Variants in ERMARD observed in about 807,000 individuals in gnomAD.
The protein encoded by ERMARD is ER membrane associated RNA degradation.
A neutral mutation model predicts 83.9 loss-of-function variants in ERMARD; 71 were observed. That is an observed-to-expected ratio of 0.85 (90% CI 0.70 to 1.03). The LOEUF is 1.03. Among genes scored for constraint, ERMARD ranks in the 50% least tolerant of loss-of-function variants. The probability of loss-of-function intolerance (pLI) is 0.00; values close to 1 mark genes in which losing one functional copy is unlikely to be tolerated. For missense variants in ERMARD, 838 were observed against 810.9 expected, an observed-to-expected ratio of 1.03 and a Z score of -0.41; for synonymous variants, 284 against 298.6, an observed-to-expected ratio of 0.95 and a Z score of 0.50.
rs1792680279 is a variant in ERMARD, at chr6:169,769,808, T to A, written c.1233+95T>A. The A allele has an allele frequency of 2.6e-6, 3 of 1,174,340 alleles. No individual in the cohort carries two copies. In the South Asian group the frequency reaches 5.5e-5, roughly 21 times the overall value. 72.7% of individuals were successfully genotyped at this position (1,174,340 alleles called of 1,614,324 possible). A position where few individuals can be genotyped will look rare whatever the true frequency, so the allele number is the denominator to read the frequency against. On this transcript the variant is annotated intron_variant, in intron 12 of 17. Transcript: ENST00000366773. The stretch of plus-strand genomic sequence containing the variant: ...AAATGTAATTAACTGTTAATCATCT[T>A]TTAATATATCTGAGTTACAGTATCC...
chr6:169,755,464 A>C (rs1418633388), intron 3 of ERMARD, 42 bp downstream of exon 3: 1 of 1,610,156 alleles, frequency 6.2e-7, no homozygotes, highest in Non-Finnish European at 8.5e-7. Context: ...AGACTGTGCG[A>C]ATACTACTTA....
In ERMARD at chr6:169,751,643, G is replaced by T; in HGVS notation, c.-15G>T. The T allele has an allele frequency of 6.4e-7, 1 of 1,566,998 alleles. No individual in the cohort carries two copies. Among genetic ancestry groups the T allele is most frequent in the Non-Finnish European group, 8.7e-7 (1 of 1,155,802 alleles). ...CTGCGTCATTCACGCGCGCCGCAGC[G>T]GGGCACCGGAAGTTATGGAGGTAGG... On this transcript the variant is annotated 5_prime_UTR_variant, in exon 1 of 18. Coordinates refer to ENST00000366773, the MANE Select transcript of ERMARD (RefSeq NM_018341.3).
chr6:169,762,741 CTT>C, intron 9 of ERMARD, among the ~76,000 whole-genome samples: 1 of 152,252 alleles, frequency 6.6e-6, no homozygotes, highest in Admixed American at 6.5e-5. Flanking sequence ...TCTAAACAGT[CTT>C]TAAAACTCAA....
At chr6:169,759,176 GA>G in intron 6 of ERMARD, 111 bp downstream of exon 6, 1 of 951,492 alleles carries the variant, frequency 1.1e-6, no homozygotes, top group South Asian at 1.5e-5. Flanking sequence ...AGTGAGTTTT[GA>G]GATAGGATTT....
At chr6:169,758,149 A>G (rs1466140521) in intron 5 of ERMARD, among the ~76,000 whole-genome samples, 1 of 152,228 alleles carries the variant, frequency 6.6e-6, no homozygotes, top group Non-Finnish European at 1.5e-5. Flanking sequence ...CCTTGAGGGA[A>G]GTTCAGAATG....
chr6:169,755,831 G>A (rs146169047), intron 3 of ERMARD, among the ~76,000 whole-genome samples: 37 of 152,206 alleles, frequency 2.4e-4, no homozygotes, highest in Non-Finnish European at 4.1e-4. Context: ...GGTAATTTGG[G>A]GCCTAACCCA....
At chr6:169,760,053 A>G (rs939184723) in intron 7 of ERMARD, 79 bp downstream of exon 7, 6 of 1,582,380 alleles carry the variant, frequency 3.8e-6, no homozygotes, top group Admixed American at 1.7e-5. Flanking sequence ...TAAGAGGTGC[A>G]CTCTTGAGGT....
At chr6:169,775,771 C>A in intron 14 of ERMARD, 169 bp from the exon 15 acceptor site, 3 of 843,158 alleles carry the variant, frequency 3.6e-6, no homozygotes, top group Non-Finnish European at 5.4e-6. Flanking sequence ...CATATGGCAT[C>A]GTTTGTTTCT....
At chr6:169,781,100 C>T (rs560910945) in intron 17 of ERMARD, among the ~76,000 whole-genome samples, 4 of 152,180 alleles carry the variant, frequency 2.6e-5, no homozygotes, top group African/African-American at 7.2e-5. Context: ...AAGGTGCTTG[C>T]GTTGGAGCCT....
intron 7 of ERMARD, among the ~76,000 whole-genome samples, 171 bp from the exon 8 acceptor site, chr6:169,760,471 A>C (rs1791404672): frequency 6.6e-6 from 1 of 152,066 alleles, no homozygotes; most frequent in African/African-American, 2.4e-5. Context: ...GGTCACCTGC[A>C]CCTCGGGCCC....
chr6:169,768,787 T>C (rs1477010387), intron 11 of ERMARD, among the ~76,000 whole-genome samples: 2 of 152,158 alleles, frequency 1.3e-5, no homozygotes, highest in African/African-American at 4.8e-5. Context: ...AACAGTCAAA[T>C]GTGAGTAATA....
chr6:169,774,416 C>T (rs1016134577), intron 13 of ERMARD, among the ~76,000 whole-genome samples: 2 of 152,056 alleles, frequency 1.3e-5, no homozygotes, highest in Non-Finnish European at 2.9e-5. Context: ...CAAGCCCTTA[C>T]GAAGGTGGAG....
chr6:169,777,518 T>G (rs535289669), intron 16 of ERMARD, among the ~76,000 whole-genome samples: 1 of 152,338 alleles, frequency 6.6e-6, no homozygotes, highest in African/African-American at 2.4e-5. Context: ...TTTCCTTTCA[T>G]GATAGAAACA....
intron 7 of ERMARD, among the ~76,000 whole-genome samples, chr6:169,760,244 G>A (rs970445344): frequency 2.0e-5 from 3 of 152,204 alleles, no homozygotes; most frequent in Non-Finnish European, 2.9e-5. Context: ...ATGAGCAACA[G>A]TGGCCTCAGG....
chr6:169,769,465 T>C (rs1342730216), intron 11 of ERMARD, 75 bp from the exon 12 acceptor site: 1 of 1,390,280 alleles, frequency 7.2e-7, no homozygotes, highest in Non-Finnish European at 9.6e-7. Context: ...ACTCTTTCCT[T>C]CTATTCAGCA....
chr6:169,777,667 A>G (rs993841325), intron 16 of ERMARD, among the ~76,000 whole-genome samples: 10 of 152,210 alleles, frequency 6.6e-5, no homozygotes, highest in African/African-American at 2.4e-4. Flanking sequence ...ATTAAAAACA[A>G]GTGAGATAAC....
chr6:169,770,097 ATAATT>A (rs1300927120), intron 12 of ERMARD, among the ~76,000 whole-genome samples: 1 of 148,124 alleles, frequency 6.8e-6, no homozygotes, highest in African/African-American at 2.5e-5. Flanking sequence ...TTCAAAGTAA[ATAATT>A]TAGGATAGAA....
chr6:169,762,353 G>T (rs918475642), intron 8 of ERMARD, 76 bp from the exon 9 acceptor site: 22 of 1,349,296 alleles, frequency 1.6e-5, no homozygotes, highest in Non-Finnish European at 2.3e-5. Context: ...GGGATTACAG[G>T]CATGAGCCAC....
chr6:169,765,143 C>G (rs974875651), intron 9 of ERMARD, among the ~76,000 whole-genome samples: 2 of 152,230 alleles, frequency 1.3e-5, no homozygotes, highest in African/African-American at 4.8e-5. Flanking sequence ...ATTGGCTGCA[C>G]GGTGGCACGC....
Sources: gnomAD v4.1 joint callset for allele counts (sites outside exome capture counted in the v4.1 genomes callset) on GRCh38, gnomAD v4.1.1 for gene constraint, MANE v1.5 for transcripts, NCBI Gene and HGNC (gene_info 2026-07-23, HGNC 2026-07-21) for gene names.